DLST: variants seen among roughly 807,000 people sequenced by gnomAD.
DLST encodes dihydrolipoamide S-succinyltransferase, also known as dihydrolipoyllysine-residue succinyltransferase component of 2-oxoglutarate dehydrogenase complex, mitochondrial.
DLST carries 17 observed loss-of-function variants against 53.1 expected under a neutral mutation model. That is an observed-to-expected ratio of 0.32 (90% CI 0.22 to 0.48). DLST has a LOEUF of 0.48. DLST is among the 20% of genes least tolerant of loss of function. The pLI, the probability that DLST is intolerant of heterozygous loss-of-function variation, is 0.99. For missense variants in DLST, 512 were observed against 583.9 expected (o/e 0.88, Z 1.27); for synonymous variants, 206 against 204.8 (o/e 1.01, Z -0.05).
At chr14:74,890,124 C>CT (rs34237381) in intron 6 of DLST, among the ~76,000 whole-genome samples, 172 bp downstream of exon 6, 2,682 of 84,950 alleles carry the variant, frequency 0.032, 69 homozygotes, top group African/African-American at 0.064. Flanking sequence ...TTACATTTAA[C>CT]TTTTTTTTTT....
intron 11 of DLST, among the ~76,000 whole-genome samples, chr14:74,898,900 G>A (rs1278693120): frequency 5.9e-5 from 9 of 152,186 alleles, no homozygotes; most frequent in Admixed American, 5.9e-4. Context: ...TTGATCTTAG[G>A]TCGATGGGCC....
chr14:74,883,317 T>C (rs1266811380), intron 2 of DLST, among the ~76,000 whole-genome samples: 3 of 148,206 alleles, frequency 2.0e-5, no homozygotes, highest in Admixed American at 2.0e-4. Context: ...AAAAAAAAGT[T>C]ATGGCTAGCA....
At chr14:74,898,271 G>C (rs929014323) in intron 10 of DLST, 98 bp from the exon 11 acceptor site, 3 of 1,474,344 alleles carry the variant, frequency 2.0e-6, no homozygotes, top group African/African-American at 2.8e-5. Flanking sequence ...CCAGAGTGAG[G>C]GAAAAGCTCT....
At position 74,885,820 on chromosome 14, in the gene DLST, C is replaced by T. The variant is rs549990314; in HGVS notation, c.146+186C>T. 1.2e-4 allele frequency: 68 copies of T among 566,294 alleles called. No homozygotes were observed. In the East Asian group the frequency reaches 1.8e-3, roughly 15 times the overall value. The allele number at this position is 566,294 out of a possible 1,614,324, so 35.1% of individuals were successfully genotyped here. Reference sequence around the variant, plus strand: ...TGTGATGTTCCTTGAGCATCAGCTCCGTGTCAGGTTTTGGACTGGGAGTGT... The same window carrying T: ...TGTGATGTTCCTTGAGCATCAGCTCTGTGTCAGGTTTTGGACTGGGAGTGT... On this transcript the variant is annotated intron_variant, in intron 3 of 14. Coordinates refer to ENST00000334220, the MANE Select transcript of DLST (RefSeq NM_001933.5).
chr14:74,893,280 C>T (rs1566792735), intron 8 of DLST, 68 bp from the exon 9 acceptor site: 3 of 1,549,874 alleles, frequency 1.9e-6, no homozygotes, highest in Non-Finnish European at 2.7e-6. Flanking sequence ...CATATGAAAG[C>T]ACTGGCACAA....
intron 11 of DLST, among the ~76,000 whole-genome samples, chr14:74,899,648 T>C (rs1884179127): frequency 6.6e-6 from 1 of 152,182 alleles, no homozygotes; most frequent in Admixed American, 6.5e-5. Context: ...TGCATACCTA[T>C]CCTATGGAAG....
intron 10 of DLST, among the ~76,000 whole-genome samples, chr14:74,897,371 TAA>T (rs1441818914): frequency 1.3e-5 from 2 of 152,172 alleles, no homozygotes; most frequent in African/African-American, 4.8e-5. Flanking sequence ...GGCCCTGAGA[TAA>T]AGTTAAATTC....
At chr14:74,883,777 T>G (rs1883613618) in intron 2 of DLST, among the ~76,000 whole-genome samples, 1 of 152,182 alleles carries the variant, frequency 6.6e-6, no homozygotes, top group Non-Finnish European at 1.5e-5. Flanking sequence ...ATAAGCCAGG[T>G]CTACCTGACC....
rs775097920 is a variant in DLST at position 74,889,967 on chromosome 14, T to C, written c.330+15T>C. ...AAACTGACAAGGTAGGCTTATCTTA[T>C]ATTCGTACCAGCTTTTCATGGGCTT... On this transcript the variant is annotated intron_variant, in intron 6 of 14. Coordinates refer to ENST00000334220, the MANE Select transcript of DLST (RefSeq NM_001933.5). The C allele has an allele frequency of 5.0e-6, 8 of 1,612,168 alleles. No homozygotes were observed. The highest frequency in any genetic ancestry group is 2.2e-5 in the South Asian group (2 of 90,784).
rs532606848 is a variant in DLST at position 74,889,181 on chromosome 14, T to C, written c.199+34T>C. ...CTGCTTTCTTGGGAATGGAATTTTA[T>C]GGGAAGAGCAACAATTGATTGAGTT... is the stretch of plus-strand genomic sequence containing the variant. On this transcript the variant is annotated intron_variant, in intron 4 of 14. Coordinates refer to ENST00000334220, the MANE Select transcript of DLST (RefSeq NM_001933.5). 48 of 1,612,662 alleles carry C rather than the reference T, an allele frequency of 3.0e-5. No homozygotes were observed. The South Asian group carries it at 4.9e-4, about 17-fold the overall frequency.
At chr14:74,889,801 A>C in intron 5 of DLST, 96 bp from the exon 6 acceptor site, 24 of 1,195,008 alleles carry the variant, frequency 2.0e-5, no homozygotes, top group Non-Finnish European at 3.0e-5. Context: ...GCCCTGTAGG[A>C]AAGGGTTCTT....
chr14:74,881,963 C>T lies in DLST; in HGVS notation c.10C>T (p.Arg4Ter), dbSNP rs1021384202. 6.4e-7 allele frequency: 1 copy of T among 1,566,690 alleles called. No individual in the cohort carries two copies. The highest frequency in any genetic ancestry group is 8.6e-7 in the Non-Finnish European group (1 of 1,164,060). ...CGGCTCCTCCGCCGTGATGCTGTCCCGATCCCGCTGTGTGTCTCGGGCGTT... is the reference window on the plus strand; with the variant it reads ...CGGCTCCTCCGCCGTGATGCTGTCCTGATCCCGCTGTGTGTCTCGGGCGTT... MLS[R>*]SRCVSRAFSR... The change falls in exon 1 of 15, where the codon CGA becomes TGA. Residue 4 changes from arginine (R) to a stop codon, truncating the protein, a stop_gained. Coordinates refer to ENST00000334220, the MANE Select transcript of DLST (RefSeq NM_001933.5). LOFTEE classifies it high-confidence loss of function.
chr14:74,881,970 G>A lies in DLST; in HGVS notation c.17G>A (p.Arg6His), dbSNP rs1302293626. 2 of 1,569,986 alleles carry A rather than the reference G, an allele frequency of 1.3e-6. No individual in the cohort carries two copies. Among genetic ancestry groups the A allele is most frequent in the East Asian group, 2.4e-5 (1 of 41,702 alleles). The change falls in exon 1 of 15, where the codon CGC becomes CAC. Residue 6 changes from arginine to histidine, a missense_variant. Around this residue, in one of 4 missense-constraint regions of DLST, gnomAD observed 129 missense variants for 90.9 expected, o/e 1.42. Coordinates refer to ENST00000334220, the MANE Select transcript of DLST (RefSeq NM_001933.5). MLSRS[R>H]CVSRAFSRSL... is the part of the protein sequence containing the mutation. ...TCCGCCGTGATGCTGTCCCGATCCC[G>A]CTGTGTGTCTCGGGCGTTCAGCCGC...
intron 3 of DLST, among the ~76,000 whole-genome samples, chr14:74,888,274 GTTTTT>G (rs55729619): frequency 1.5e-5 from 2 of 131,738 alleles, no homozygotes; most frequent in Non-Finnish European, 1.6e-5. Context: ...TTGTTTTTGG[GTTTTT>G]TTTTTTTTTT....
intron 3 of DLST, among the ~76,000 whole-genome samples, chr14:74,888,792 A>G (rs1883795153): frequency 6.6e-6 from 1 of 152,200 alleles, no homozygotes; most frequent in South Asian, 2.1e-4. Flanking sequence ...TGAAAGAGCC[A>G]AATGTAAGTC....
chr14:74,896,550 T>C (rs1884082868), intron 10 of DLST, among the ~76,000 whole-genome samples: 1 of 152,210 alleles, frequency 6.6e-6, no homozygotes, highest in East Asian at 1.9e-4. Flanking sequence ...CGCTGTGGCA[T>C]TGTTCAGAGT....
At chr14:74,901,844 AT>A (rs11325303) in intron 14 of DLST, among the ~76,000 whole-genome samples, 74,712 of 147,110 alleles carry the variant, frequency 0.51, 18,805 homozygotes, top group African/African-American at 0.6. Context: ...CCCTGGCTTA[AT>A]TTTTTTTTTT....
Position 74,900,347 on chromosome 14 carries a change from G to A in DLST, c.1034G>A (p.Arg345Gln), listed in dbSNP as rs201581688. The A allele has an allele frequency of 2.0e-5, 32 of 1,613,730 alleles. No individual in the cohort carries two copies. Among genetic ancestry groups the A allele is most frequent in the Non-Finnish European group, 2.4e-5 (28 of 1,179,842 alleles). The change falls in exon 13 of 15, where the codon CGG becomes CAG. Residue 345 changes from arginine (R) to glutamine (Q), a missense_variant. Physicochemically the swap from Arg to Gln is conservative, Grantham distance 43 (BLOSUM62 1). Around this residue, in one of 4 missense-constraint regions of DLST, gnomAD observed 186 missense variants for 260.4 expected, o/e 0.71. Transcript: ENST00000334220. ...GCTATGAATTTTGCAGATATTGAACGGACCATCACTGAACTGGGAGAGAAG... is the reference window on the plus strand; with the variant it reads ...GCTATGAATTTTGCAGATATTGAACAGACCATCACTGAACTGGGAGAGAAG... ...VEAMNFADIE[R>Q]TITELGEKAR...
intron 6 of DLST, among the ~76,000 whole-genome samples, 153 bp downstream of exon 6, chr14:74,890,105 A>AC (rs1883851061): frequency 6.6e-6 from 1 of 151,354 alleles, no homozygotes; most frequent in Non-Finnish European, 1.5e-5. Context: ...TTAAAAAAAA[A>AC]ACAACTTTTT....
Sources: allele counts gnomAD v4.1 joint callset (sites outside exome capture counted in the v4.1 genomes callset), GRCh38; gene constraint gnomAD v4.1.1; regional missense constraint gnomAD v4.1.1; transcripts MANE v1.5; gene names NCBI Gene and HGNC (gene_info 2026-07-23, HGNC 2026-07-21).